The following LRRC49 variants were observed in gnomAD, a reference collection of about 807,000 sequenced individuals.
The protein encoded by LRRC49 is leucine rich repeat containing 49, also known as leucine-rich repeat-containing protein 49.
LRRC49 carries 50 observed loss-of-function variants against 83.3 expected under a neutral mutation model. The observed-to-expected ratio is 0.60, with a 90% CI of 0.48 to 0.76. The LOEUF is 0.76. Among genes scored for constraint, LRRC49 ranks in the 30% least tolerant of loss-of-function variants. LRRC49 has a pLI of 0.00. For synonymous variants in LRRC49, 286 were observed against 283.3 expected (o/e 1.01, Z -0.10); for missense variants, 704 against 809.1 (o/e 0.87, Z 1.58).
intron 11 of LRRC49, among the ~76,000 whole-genome samples, chr15:71,002,176 A>G (rs754416614): frequency 1.4e-4 from 22 of 152,050 alleles, no homozygotes; most frequent in Admixed American, 9.8e-4. Context: ...TTTCTTACCT[A>G]GTGTTTCGAT....
chr15:71,026,433 G>C (rs1020946418), intron 14 of LRRC49, among the ~76,000 whole-genome samples: 1 of 152,142 alleles, frequency 6.6e-6, no homozygotes, highest in African/African-American at 2.4e-5. Flanking sequence ...TATATACCCA[G>C]TAATAGGATT....
At chr15:70,979,832 C>T (rs2037337035) in intron 9 of LRRC49, among the ~76,000 whole-genome samples, 1 of 152,078 alleles carries the variant, frequency 6.6e-6, no homozygotes, top group South Asian at 2.1e-4. Context: ...CATACTTCTC[C>T]TTTTCTTCTC....
At chr15:70,864,354 G>A (rs1412370869) in intron 1 of LRRC49, among the ~76,000 whole-genome samples, 3 of 152,102 alleles carry the variant, frequency 2.0e-5, no homozygotes, top group Non-Finnish European at 4.4e-5. Flanking sequence ...TAAAGACACC[G>A]AGAGGCCCTG....
chr15:71,011,654 T>C (rs1364020497), intron 13 of LRRC49, among the ~76,000 whole-genome samples: 1 of 152,126 alleles, frequency 6.6e-6, no homozygotes, highest in Non-Finnish European at 1.5e-5. Flanking sequence ...ATTGAATTAA[T>C]AGCATCAAGA....
chr15:71,044,708 C>A (rs905996109), intron 15 of LRRC49, among the ~76,000 whole-genome samples: 1 of 151,826 alleles, frequency 6.6e-6, no homozygotes, highest in Non-Finnish European at 1.5e-5. Context: ...GTCGTTTGAG[C>A]CTGGGAGGCA....
At chr15:70,980,216 TGCA>T in intron 10 of LRRC49, 32 bp downstream of exon 10, 2 of 1,494,016 alleles carry the variant, frequency 1.3e-6, no homozygotes, top group Non-Finnish European at 1.8e-6. Flanking sequence ...TGGATGTGTG[TGCA>T]CACGTAGACA....
chr15:71,032,532 T>A (rs918829306), intron 14 of LRRC49, among the ~76,000 whole-genome samples: 3 of 152,142 alleles, frequency 2.0e-5, no homozygotes, highest in Non-Finnish European at 4.4e-5. Flanking sequence ...ATCATCCTGA[T>A]ACCAAAACCT....
At chr15:70,946,006 T>C (rs528236561) in intron 8 of LRRC49, among the ~76,000 whole-genome samples, 1 of 152,114 alleles carries the variant, frequency 6.6e-6, no homozygotes, top group South Asian at 2.1e-4. Flanking sequence ...AATGTTTTGA[T>C]ATATATATAT....
chr15:70,939,435 G>A (rs987858681), intron 8 of LRRC49, among the ~76,000 whole-genome samples: 3 of 152,182 alleles, frequency 2.0e-5, no homozygotes, highest in Non-Finnish European at 4.4e-5. Flanking sequence ...TGTGTTTAAT[G>A]TGTGGACCTG....
chr15:70,892,768 A>T, upstream of LRRC49: 1 of 1,592,282 alleles, frequency 6.3e-7, no homozygotes, highest in Non-Finnish European at 8.6e-7. Context: ...CCAGACCGGA[A>T]ATGGTCGTTT....
chr15:71,032,547 G>C (rs1440911011), intron 14 of LRRC49, among the ~76,000 whole-genome samples: 1 of 152,116 alleles, frequency 6.6e-6, no homozygotes, highest in Non-Finnish European at 1.5e-5. Context: ...AAACCTGGCA[G>C]AGGTACAACA....
intron 5 of LRRC49, chr15:70,908,639 G>C (rs930254008): frequency 1.3e-5 from 2 of 152,206 alleles, no homozygotes; most frequent in African/African-American, 4.8e-5. Context: ...TATTACCATT[G>C]GCTCTGTGAT....
intron 2 of LRRC49, among the ~76,000 whole-genome samples, chr15:70,880,243 C>A (rs181268866): frequency 2.4e-4 from 37 of 152,294 alleles, no homozygotes; most frequent in Admixed American, 4.6e-4. Flanking sequence ...ACAAACCTCT[C>A]CCCCCACCTC....
At chr15:70,946,061 C>T (rs968222836) in intron 8 of LRRC49, among the ~76,000 whole-genome samples, 1 of 151,856 alleles carries the variant, frequency 6.6e-6, no homozygotes, top group Non-Finnish European at 1.5e-5. Flanking sequence ...TATATGTTAC[C>T]TCACATACTT....
chr15:70,860,859 A>G (rs1471880632), intron 1 of LRRC49, among the ~76,000 whole-genome samples: 1 of 152,192 alleles, frequency 6.6e-6, no homozygotes, highest in Non-Finnish European at 1.5e-5. Context: ...CCTGCCTTGC[A>G]TATTGGTATA....
At chr15:70,853,982 TC>T in intron 1 of LRRC49, 1 of 1,459,926 alleles carries the variant, frequency 6.8e-7, no homozygotes, top group Non-Finnish European at 9.1e-7. Flanking sequence ...CTCCGCCCCC[TC>T]CTCCTCGTCC....
chr15:70,941,976 A>G (rs1488619759), intron 8 of LRRC49, among the ~76,000 whole-genome samples: 1 of 151,662 alleles, frequency 6.6e-6, no homozygotes, highest in Admixed American at 6.6e-5. Flanking sequence ...ACTCACAGGA[A>G]ATTTTCCAGA....
chr15:70,947,472 G>A (rs1011811231), intron 8 of LRRC49, among the ~76,000 whole-genome samples: 1 of 152,020 alleles, frequency 6.6e-6, no homozygotes, highest in Admixed American at 6.6e-5. Flanking sequence ...ATACAAAGAC[G>A]TGAGTGACAG....
chr15:70,940,421 T>C (rs1361386911), intron 8 of LRRC49, among the ~76,000 whole-genome samples: 1 of 152,168 alleles, frequency 6.6e-6, no homozygotes, highest in East Asian at 1.9e-4. Flanking sequence ...CATGCCCGGC[T>C]AATTTTTTTG....
Sources: allele counts gnomAD v4.1 joint callset (sites outside exome capture counted in the v4.1 genomes callset), GRCh38; gene constraint gnomAD v4.1.1; transcripts MANE v1.5; gene names NCBI Gene and HGNC (gene_info 2026-07-23, HGNC 2026-07-21).